Variants in FOXN3 observed in about 807,000 individuals in gnomAD.
FOXN3 encodes forkhead box N3.
Under a neutral mutation model 38.4 loss-of-function variants are expected in FOXN3, and 7 were observed. The observed-to-expected ratio is 0.18, with a 90% CI of 0.10 to 0.34. The LOEUF is 0.34. Ranked by LOEUF, FOXN3 falls within the 10% of genes least tolerant of loss-of-function variation. FOXN3 has a pLI of 1.00. For synonymous variants in FOXN3, 230 were observed against 242.2 expected (o/e 0.95, Z 0.47); for missense variants, 456 against 613.4 (o/e 0.74, Z 2.71).
intron 1 of FOXN3, among the ~76,000 whole-genome samples, chr14:89,470,718 G>A (rs1429232924): frequency 3.3e-5 from 5 of 152,116 alleles, no homozygotes; most frequent in Admixed American, 1.3e-4. Context: ...CCCATGGAAC[G>A]CATTATGCCA....
chr14:89,394,212 CTTTT>C (rs35674375), intron 2 of FOXN3, among the ~76,000 whole-genome samples: 9 of 109,618 alleles, frequency 8.2e-5, no homozygotes, highest in Admixed American at 1.9e-4. Context: ...GATCGACGTT[CTTTT>C]TTTTTTTTTT....
At chr14:89,471,116 G>T (rs1893086167) in intron 1 of FOXN3, among the ~76,000 whole-genome samples, 1 of 152,220 alleles carries the variant, frequency 6.6e-6, no homozygotes, top group Non-Finnish European at 1.5e-5. Context: ...GCGGGAGGCT[G>T]CAGGTTGCCA....
chr14:89,224,926 C>T (rs1422469709), intron 4 of FOXN3, among the ~76,000 whole-genome samples: 1 of 151,552 alleles, frequency 6.6e-6, no homozygotes, highest in Non-Finnish European at 1.5e-5. Context: ...GTCAGGAGAT[C>T]GAGACCATCC....
chr14:89,176,549 C>G (rs1006417270), intron 5 of FOXN3, among the ~76,000 whole-genome samples: 1 of 152,244 alleles, frequency 6.6e-6, no homozygotes, highest in Non-Finnish European at 1.5e-5. Context: ...TGAGCACACA[C>G]AGAATACTTG....
chr14:89,417,231 CAT>C lies in FOXN3; in HGVS notation c.-377_-376del, dbSNP rs1410449756. 1.4e-5 allele frequency: 2 copies of C among 146,918 alleles called. No homozygotes were observed. Among genetic ancestry groups the C allele is most frequent in the East Asian group, 4.0e-4 (2 of 5,056 alleles). The allele number at this position is 146,918 out of a possible 1,614,324, so 9.1% of individuals were successfully genotyped here. ...CCACTGCAAACAAAAAAAGGCGACA[CAT>C]GACCAGGCAGGAGGAGGGGAAGCGC... On this transcript the variant is annotated 5_prime_UTR_variant, in exon 1 of 6. The change abolishes an upstream ATG in the 5' untranslated region. Coordinates refer to ENST00000557258, the MANE Select transcript of FOXN3 (RefSeq NM_005197.4).
chr14:89,613,970 C>T (rs1409065955), intron 1 of FOXN3, among the ~76,000 whole-genome samples: 1 of 152,206 alleles, frequency 6.6e-6, no homozygotes, highest in Non-Finnish European at 1.5e-5. Context: ...CTGCCTGCCA[C>T]CCCTAGAAAT....
At chr14:89,318,980 T>G (rs902680140) in intron 3 of FOXN3, among the ~76,000 whole-genome samples, 1 of 152,004 alleles carries the variant, frequency 6.6e-6, no homozygotes, top group Admixed American at 6.6e-5. Flanking sequence ...GAAGATGAGG[T>G]GCTGAGGGCC....
intron 3 of FOXN3, among the ~76,000 whole-genome samples, chr14:89,281,859 T>C (rs1886473040): frequency 6.6e-6 from 1 of 152,196 alleles, no homozygotes; most frequent in Non-Finnish European, 1.5e-5. Flanking sequence ...GCAGTATAAA[T>C]TACTCTCATC....
chr14:89,365,776 C>T (rs1023791921), intron 2 of FOXN3, among the ~76,000 whole-genome samples: 2 of 152,154 alleles, frequency 1.3e-5, no homozygotes, highest in Non-Finnish European at 1.5e-5. Flanking sequence ...CATGCTATGC[C>T]ACTTCAAAGA....
intron 3 of FOXN3, among the ~76,000 whole-genome samples, chr14:89,298,616 G>A (rs1887120591): frequency 6.6e-6 from 1 of 152,110 alleles, no homozygotes; most frequent in Non-Finnish European, 1.5e-5. Flanking sequence ...TAAGGCAGGT[G>A]ACACCTCTGC....
intron 2 of FOXN3, among the ~76,000 whole-genome samples, chr14:89,397,679 T>C (rs1891136021): frequency 6.6e-6 from 1 of 152,132 alleles, no homozygotes; most frequent in East Asian, 1.9e-4. Flanking sequence ...TGTGACCCTT[T>C]GTTTTAGCCA....
At chr14:89,503,373 T>G (rs1024221769) in intron 1 of FOXN3, among the ~76,000 whole-genome samples, 14 of 152,178 alleles carry the variant, frequency 9.2e-5, no homozygotes, top group African/African-American at 3.4e-4. Flanking sequence ...CATTTATTTT[T>G]AAAAAAACAT....
intron 2 of FOXN3, among the ~76,000 whole-genome samples, chr14:89,375,417 TACC>T (rs1406123830): frequency 6.6e-6 from 1 of 152,204 alleles, no homozygotes; most frequent in African/African-American, 2.4e-5. Context: ...AACTCTTTCA[TACC>T]ACATTTTAAT....
intron 1 of FOXN3, among the ~76,000 whole-genome samples, chr14:89,492,017 A>C (rs957409043): frequency 1.3e-5 from 2 of 152,196 alleles, no homozygotes; most frequent in African/African-American, 4.8e-5. Context: ...GTATGATGAA[A>C]AACATACACA....
intron 1 of FOXN3, among the ~76,000 whole-genome samples, chr14:89,485,882 T>C (rs1261535191): frequency 6.6e-6 from 1 of 152,136 alleles, no homozygotes; most frequent in Non-Finnish European, 1.5e-5. Context: ...GCCACGCCTC[T>C]TCCTTCTGCC....
At chr14:89,237,581 C>T (rs1037450111) in intron 4 of FOXN3, among the ~76,000 whole-genome samples, 1 of 152,188 alleles carries the variant, frequency 6.6e-6, no homozygotes, top group African/African-American at 2.4e-5. Flanking sequence ...CAAGATGTTA[C>T]CGCTGGGAGA....
chr14:89,509,804 G>A (rs1044184353), intron 1 of FOXN3, among the ~76,000 whole-genome samples: 3 of 152,180 alleles, frequency 2.0e-5, no homozygotes, highest in South Asian at 2.1e-4. Context: ...TCAATCTCAA[G>A]GACACCAATG....
At chr14:89,475,782 T>C (rs1027795796) in intron 1 of FOXN3, among the ~76,000 whole-genome samples, 18 of 152,198 alleles carry the variant, frequency 1.2e-4, no homozygotes, top group African/African-American at 4.3e-4. Flanking sequence ...ATGTAACTTA[T>C]AGGGCCCCAG....
intron 1 of FOXN3, among the ~76,000 whole-genome samples, chr14:89,491,180 T>G (rs1241258737): frequency 6.6e-6 from 1 of 151,954 alleles, no homozygotes; most frequent in African/African-American, 2.4e-5. Flanking sequence ...TTTTCCACAT[T>G]GGTCAGGCTG....
Sources: gnomAD v4.1 joint callset for allele counts (sites outside exome capture counted in the v4.1 genomes callset) on GRCh38, gnomAD v4.1.1 for gene constraint, MANE v1.5 for transcripts, NCBI Gene and HGNC (gene_info 2026-07-23, HGNC 2026-07-21) for gene names.